CNTNAP2: variants seen among roughly 807,000 people sequenced by gnomAD.
CNTNAP2 encodes contactin associated protein 2, also known as contactin-associated protein-like 2.
A neutral mutation model predicts 155.2 loss-of-function variants in CNTNAP2; 98 were observed. The ratio of observed to expected loss-of-function variants is 0.63; its 90% CI spans 0.54 to 0.75. The LOEUF is 0.75. Among genes scored for constraint, CNTNAP2 ranks in the 30% least tolerant of loss-of-function variants. The pLI is 0.00. For missense variants in CNTNAP2, 1,727 were observed against 1,688.1 expected (o/e 1.02, Z -0.40); for synonymous variants, 651 against 631.2 (o/e 1.03, Z -0.47).
intron 6 of CNTNAP2, among the ~76,000 whole-genome samples, chr7:147,125,326 T>A (rs577694147): frequency 1.3e-5 from 2 of 152,204 alleles, no homozygotes; most frequent in East Asian, 1.9e-4. Context: ...ATATGGACAT[T>A]TTTTGTGACC....
intron 5 of CNTNAP2, among the ~76,000 whole-genome samples, chr7:147,114,707 GC>G (rs538463406): frequency 1.1e-3 from 171 of 152,236 alleles, no homozygotes; most frequent in African/African-American, 3.8e-3. Context: ...GTGTGTGTTT[GC>G]ATGTGAGATG....
chr7:147,589,282 A>G (rs949336093), intron 12 of CNTNAP2, among the ~76,000 whole-genome samples: 4 of 152,210 alleles, frequency 2.6e-5, no homozygotes, highest in Non-Finnish European at 4.4e-5. Context: ...TGTTTCCCCT[A>G]ACTGACCTTT....
intron 14 of CNTNAP2, among the ~76,000 whole-genome samples, chr7:147,947,076 G>C (rs911837386): frequency 6.6e-6 from 1 of 152,134 alleles, no homozygotes; most frequent in Admixed American, 6.5e-5. Context: ...TCTAGGACAG[G>C]TGGAGGGAAG....
intron 20 of CNTNAP2, among the ~76,000 whole-genome samples, chr7:148,263,698 C>T (rs186894359): frequency 0.011 from 1,606 of 149,270 alleles, 29 homozygotes; most frequent in African/African-American, 0.038. Flanking sequence ...GATGGTGCCT[C>T]TGCACTCCAG....
chr7:147,731,925 G>A (rs965881399), intron 13 of CNTNAP2, among the ~76,000 whole-genome samples: 4 of 152,090 alleles, frequency 2.6e-5, no homozygotes, highest in African/African-American at 9.7e-5. Context: ...GAAATAACAG[G>A]AGAAGTAGAA....
At chr7:148,349,958 A>G (rs1379319473) in intron 21 of CNTNAP2, among the ~76,000 whole-genome samples, 1 of 152,214 alleles carries the variant, frequency 6.6e-6, no homozygotes, top group East Asian at 1.9e-4. Context: ...GCCAAGGGCA[A>G]GGGGTTTGAA....
intron 1 of CNTNAP2, among the ~76,000 whole-genome samples, chr7:146,577,277 G>T (rs1448128148): frequency 6.6e-6 from 1 of 152,094 alleles, no homozygotes. Flanking sequence ...TGGCAGTTAA[G>T]TTTTTGCCTA....
At chr7:146,414,290 T>C (rs1026029315) in intron 1 of CNTNAP2, among the ~76,000 whole-genome samples, 11 of 152,230 alleles carry the variant, frequency 7.2e-5, no homozygotes, top group Non-Finnish European at 1.5e-4. Context: ...GCGATTTTGC[T>C]GATCAAATCG....
chr7:147,636,568 T>A (rs1426973715), intron 12 of CNTNAP2, among the ~76,000 whole-genome samples: 1 of 152,134 alleles, frequency 6.6e-6, no homozygotes, highest in Admixed American at 6.6e-5. Context: ...GCATCAGGTA[T>A]TTGTCCTAAT....
At chr7:148,383,129 A>G (rs1287495424) in intron 21 of CNTNAP2, among the ~76,000 whole-genome samples, 3 of 151,880 alleles carry the variant, frequency 2.0e-5, no homozygotes, top group Non-Finnish European at 4.4e-5. Flanking sequence ...TCAGAATTCC[A>G]AGGGGATTGG....
intron 21 of CNTNAP2, among the ~76,000 whole-genome samples, chr7:148,301,300 A>AT (rs1276624199): frequency 6.4e-5 from 3 of 46,668 alleles, no homozygotes; most frequent in African/African-American, 1.7e-4. Flanking sequence ...TCTAAAAAAA[A>AT]AAAAAAATAT....
chr7:147,117,214 C>G (rs1241777839), intron 5 of CNTNAP2, among the ~76,000 whole-genome samples: 1 of 152,122 alleles, frequency 6.6e-6, no homozygotes, highest in Non-Finnish European at 1.5e-5. Flanking sequence ...TCCACCCTGT[C>G]TCTGTGCATG....
chr7:147,623,637 T>G (rs978760037), intron 12 of CNTNAP2, among the ~76,000 whole-genome samples: 1 of 152,050 alleles, frequency 6.6e-6, no homozygotes, highest in Non-Finnish European at 1.5e-5. Context: ...TTCATATTCA[T>G]GAATTGAAAT....
At position 146,488,654 on chromosome 7, in the gene CNTNAP2, G is replaced by T. The variant is rs144360304; in HGVS notation, c.98-285617G>T. Among the ~76,000 whole-genome samples the T allele has an allele frequency of 1.7e-3, 262 of 152,100 alleles. 1 individual carries two copies. The highest frequency in any genetic ancestry group is 5.9e-3 in the African/African-American group (245 of 41,508). ...TTGTTTTGTTTGTTTTTGAGACAGGGTCTCACTCTGTTTTTTGTGCTGGTG... is the reference window on the plus strand; with the variant it reads ...TTGTTTTGTTTGTTTTTGAGACAGGTTCTCACTCTGTTTTTTGTGCTGGTG... On this transcript the variant is annotated intron_variant, in intron 1 of 23. Coordinates refer to ENST00000361727, the MANE Select transcript of CNTNAP2 (RefSeq NM_014141.6).
At chr7:146,383,889 C>G (rs1188387647) in intron 1 of CNTNAP2, among the ~76,000 whole-genome samples, 3 of 151,996 alleles carry the variant, frequency 2.0e-5, no homozygotes, top group Admixed American at 6.6e-5. Context: ...TATGTGTTAG[C>G]CTCAGCAAGG....
At chr7:147,179,625 G>T (rs1276367760) in intron 8 of CNTNAP2, among the ~76,000 whole-genome samples, 1 of 152,122 alleles carries the variant, frequency 6.6e-6, no homozygotes, top group Non-Finnish European at 1.5e-5. Flanking sequence ...TAGGTAATTA[G>T]TCTTATCAAA....
intron 1 of CNTNAP2, among the ~76,000 whole-genome samples, chr7:146,518,742 CAT>C (rs373357593): frequency 2.7e-3 from 410 of 151,956 alleles, no homozygotes; most frequent in African/African-American, 9.3e-3. Flanking sequence ...GATTCCAACT[CAT>C]ATGCTTGTTA....
chr7:146,480,961 T>A (rs1387155835), intron 1 of CNTNAP2, among the ~76,000 whole-genome samples: 1 of 151,632 alleles, frequency 6.6e-6, no homozygotes, highest in African/African-American at 2.4e-5. Flanking sequence ...ACCACAGGCA[T>A]GAGCCACCGC....
intron 1 of CNTNAP2, among the ~76,000 whole-genome samples, chr7:146,705,851 G>A (rs981079222): frequency 3.9e-5 from 6 of 152,054 alleles, no homozygotes; most frequent in Admixed American, 1.3e-4. Flanking sequence ...ACAATTCAAG[G>A]TGATATTTGG....
Sources: gnomAD v4.1 joint callset for allele counts (sites outside exome capture counted in the v4.1 genomes callset) on GRCh38, gnomAD v4.1.1 for gene constraint, MANE v1.5 for transcripts, NCBI Gene and HGNC (gene_info 2026-07-23, HGNC 2026-07-21) for gene names.